Variants in LRMDA observed in about 807,000 individuals in gnomAD.
LRMDA encodes leucine-rich melanocyte differentiation-associated protein.
In LRMDA, 18 loss-of-function variants were observed where a neutral mutation model predicts 29.8. That is an observed-to-expected ratio of 0.60 (90% confidence interval 0.42 to 0.90). LRMDA has a LOEUF of 0.90. LRMDA is among the 40% of genes least tolerant of loss of function. The pLI is 0.00. For missense variants in LRMDA, 273 were observed against 273.9 expected (o/e 1.00, Z 0.02); for synonymous variants, 125 against 109.4 (o/e 1.14, Z -0.89).
chr10:76,537,791 G>A (rs891216324), intron 6 of LRMDA, among the ~76,000 whole-genome samples: 1 of 151,996 alleles, frequency 6.6e-6, no homozygotes, highest in African/African-American at 2.4e-5. Context: ...TTCAAGTGTG[G>A]ACATCTTGAG....
In LRMDA at chr10:75,682,434, G is replaced by GGTGT. The variant is rs143384483; in HGVS notation, c.131+243952_131+243955dup. On this transcript the variant is annotated intron_variant, in intron 2 of 6. Transcript: ENST00000611255. ...CAACAACCAGAAGAGTGTGTGTGGG[G>GGTGT]GTGTGTGTGTGTGTGAGACAGACAC... Among the ~76,000 whole-genome samples the GGTGT allele has an allele frequency of 1.9e-4, 28 of 150,138 alleles. 1 individual carries two copies. Among genetic ancestry groups the GGTGT allele is most frequent in the East Asian group, 1.8e-3 (9 of 5,060 alleles).
chr10:75,462,613 T>C (rs533664612), intron 2 of LRMDA, among the ~76,000 whole-genome samples: 3 of 152,310 alleles, frequency 2.0e-5, no homozygotes, highest in African/African-American at 7.2e-5. Flanking sequence ...ATCTGAGTGT[T>C]TCAGTTTGTA....
At chr10:75,843,163 A>G (rs1387065315) in intron 2 of LRMDA, among the ~76,000 whole-genome samples, 1 of 152,254 alleles carries the variant, frequency 6.6e-6, no homozygotes, top group Non-Finnish European at 1.5e-5. Context: ...TAGGCTTTTA[A>G]GAATGTTTGA....
chr10:75,771,914 G>C (rs1843246378), intron 2 of LRMDA, among the ~76,000 whole-genome samples: 1 of 152,178 alleles, frequency 6.6e-6, no homozygotes, highest in East Asian at 1.9e-4. Flanking sequence ...AGAGTTTTCA[G>C]GGGGAGGCCC....
At chr10:75,993,746 G>A (rs7475805) in intron 2 of LRMDA, among the ~76,000 whole-genome samples, 3 of 147,944 alleles carry the variant, frequency 2.0e-5, no homozygotes, top group Admixed American at 6.7e-5. Context: ...AAAAAAAAAA[G>A]AAACCATGAC....
intron 6 of LRMDA, among the ~76,000 whole-genome samples, chr10:76,532,653 G>T (rs1210519956): frequency 6.6e-6 from 1 of 152,154 alleles, no homozygotes; most frequent in Non-Finnish European, 1.5e-5. Context: ...AATCAGAGAA[G>T]TCTTCTAAGA....
chr10:75,880,184 C>T (rs1229084850), intron 2 of LRMDA, among the ~76,000 whole-genome samples: 1 of 152,062 alleles, frequency 6.6e-6, no homozygotes, highest in African/African-American at 2.4e-5. Context: ...GTGTTTATAC[C>T]AGCAGCTGTT....
intron 2 of LRMDA, among the ~76,000 whole-genome samples, chr10:75,675,883 G>A (rs1007154412): frequency 6.6e-6 from 1 of 152,090 alleles, no homozygotes. Flanking sequence ...TGTTTCTTCT[G>A]CCCACTTTAG....
chr10:76,367,913 G>T (rs1217034022), intron 6 of LRMDA, among the ~76,000 whole-genome samples: 1 of 152,034 alleles, frequency 6.6e-6, no homozygotes, highest in African/African-American at 2.4e-5. Flanking sequence ...AGCCTTGAAT[G>T]ATCTTTTGTA....
chr10:76,111,941 C>T (rs1849585454), intron 5 of LRMDA, among the ~76,000 whole-genome samples: 1 of 152,192 alleles, frequency 6.6e-6, no homozygotes, highest in Admixed American at 6.5e-5. Context: ...AAGTAGCCAC[C>T]TGAAGTTAAT....
chr10:76,528,067 G>A (rs946802937), intron 6 of LRMDA, among the ~76,000 whole-genome samples: 4 of 151,696 alleles, frequency 2.6e-5, no homozygotes, highest in Admixed American at 6.6e-5. Flanking sequence ...AAATAGGCAT[G>A]CCTGGTGCTA....
intron 6 of LRMDA, among the ~76,000 whole-genome samples, chr10:76,399,697 C>G (rs1013533457): frequency 2.0e-5 from 3 of 152,222 alleles, no homozygotes; most frequent in African/African-American, 7.2e-5. Flanking sequence ...TTTCTCTTAA[C>G]TGCTCCTGTA....
chr10:76,269,133 G>A (rs1272857608), intron 5 of LRMDA, among the ~76,000 whole-genome samples: 7 of 152,034 alleles, frequency 4.6e-5, no homozygotes, highest in Non-Finnish European at 4.4e-5. Context: ...AGTAGCATCC[G>A]TGGTGACAAA....
At chr10:76,202,473 G>A (rs1453117050) in intron 5 of LRMDA, among the ~76,000 whole-genome samples, 1 of 152,042 alleles carries the variant, frequency 6.6e-6, no homozygotes, top group Non-Finnish European at 1.5e-5. Context: ...TCCTTGTCAG[G>A]TTTCCCTTTA....
intron 5 of LRMDA, among the ~76,000 whole-genome samples, chr10:76,131,625 T>G (rs1388891521): frequency 6.6e-6 from 1 of 152,144 alleles, no homozygotes; most frequent in Non-Finnish European, 1.5e-5. Flanking sequence ...TCTATAACCC[T>G]GGGTATTATT....
At chr10:76,393,749 T>C (rs1031950266) in intron 6 of LRMDA, among the ~76,000 whole-genome samples, 3 of 152,158 alleles carry the variant, frequency 2.0e-5, no homozygotes, top group Admixed American at 2.0e-4. Flanking sequence ...ACTAATGACA[T>C]GGAGTTTTCC....
At chr10:75,981,415 C>T (rs1387975132) in intron 2 of LRMDA, among the ~76,000 whole-genome samples, 4 of 152,216 alleles carry the variant, frequency 2.6e-5, no homozygotes, top group African/African-American at 9.7e-5. Flanking sequence ...ATCTTTTCAT[C>T]AGCAAAGACT....
intron 2 of LRMDA, among the ~76,000 whole-genome samples, chr10:75,626,656 G>A (rs952870969): frequency 1.3e-5 from 2 of 152,142 alleles, no homozygotes; most frequent in Non-Finnish European, 2.9e-5. Context: ...CATTTGGCAG[G>A]TTACAGTGCA....
At chr10:76,465,829 C>T (rs10762725) in intron 6 of LRMDA, among the ~76,000 whole-genome samples, 1 of 151,746 alleles carries the variant, frequency 6.6e-6, no homozygotes. Flanking sequence ...CTCTCCCCTC[C>T]CCTTGTAGGT....
Sources: gnomAD v4.1 joint callset for allele counts (sites outside exome capture counted in the v4.1 genomes callset) on GRCh38, gnomAD v4.1.1 for gene constraint, MANE v1.5 for transcripts, NCBI Gene and HGNC (gene_info 2026-07-23, HGNC 2026-07-21) for gene names.